The following MAGI3 variants were observed in gnomAD, a reference collection of about 807,000 sequenced individuals.
The protein encoded by MAGI3 is membrane associated guanylate kinase, WW and PDZ domain containing 3.
In MAGI3, 43 loss-of-function variants were observed where a neutral mutation model predicts 121.8. The ratio of observed to expected loss-of-function variants is 0.35; its 90% CI spans 0.28 to 0.46. The LOEUF (loss-of-function observed/expected upper bound fraction) is 0.46. Ranked by LOEUF, MAGI3 falls within the 20% of genes least tolerant of loss-of-function variation. MAGI3 has a pLI of 1.00. For synonymous variants in MAGI3, 553 were observed against 639.3 expected, an observed-to-expected ratio of 0.86 and a Z score of 2.04; for missense variants, 1,547 against 1,797.3, an observed-to-expected ratio of 0.86 and a Z score of 2.52.
chr1:113,398,991 G>A (rs1651260950), intron 1 of MAGI3, among the ~76,000 whole-genome samples: 1 of 152,114 alleles, frequency 6.6e-6, no homozygotes, highest in Admixed American at 6.6e-5. Flanking sequence ...ATTAATGTAG[G>A]CTAAGAAGAA....
chr1:113,611,347 C>T (rs1650121866), intron 6 of MAGI3, among the ~76,000 whole-genome samples: 1 of 152,106 alleles, frequency 6.6e-6, no homozygotes, highest in African/African-American at 2.4e-5. Flanking sequence ...ATTGGCCTCC[C>T]AAAGTGCTGG....
intron 1 of MAGI3, among the ~76,000 whole-genome samples, chr1:113,410,824 A>C (rs1182711326): frequency 2.0e-5 from 3 of 152,116 alleles, no homozygotes; most frequent in African/African-American, 7.2e-5. Context: ...CCCAGTGAGG[A>C]TGCCTAGTAG....
intron 1 of MAGI3, among the ~76,000 whole-genome samples, chr1:113,545,978 T>C (rs1444120123): frequency 1.3e-5 from 2 of 152,192 alleles, no homozygotes; most frequent in South Asian, 2.1e-4. Context: ...AATACAGATA[T>C]ATTCAGCAGT....
At chr1:113,551,386 T>A (rs995986480) in intron 2 of MAGI3, among the ~76,000 whole-genome samples, 5 of 152,200 alleles carry the variant, frequency 3.3e-5, no homozygotes, top group Admixed American at 6.5e-5. Flanking sequence ...GGGAAAAAAA[T>A]TTAAAAATAA....
chr1:113,600,351 G>A (rs1649289833), intron 6 of MAGI3, among the ~76,000 whole-genome samples: 2 of 151,960 alleles, frequency 1.3e-5, no homozygotes, highest in South Asian at 4.2e-4. Context: ...ATCTCCTTAA[G>A]CTGATAAGCA....
intron 6 of MAGI3, among the ~76,000 whole-genome samples, chr1:113,606,635 G>T (rs1341649747): frequency 6.6e-6 from 1 of 151,920 alleles, no homozygotes; most frequent in African/African-American, 2.4e-5. Flanking sequence ...TTGAGTCTTG[G>T]TTTTGATTTC....
intron 6 of MAGI3, among the ~76,000 whole-genome samples, chr1:113,613,509 T>G (rs936095935): frequency 2.0e-5 from 3 of 152,194 alleles, no homozygotes; most frequent in African/African-American, 7.2e-5. Context: ...AATTTTTACT[T>G]ACAAAGTTGG....
chr1:113,677,723 G>T (rs528609376), intron 19 of MAGI3, among the ~76,000 whole-genome samples: 12 of 151,878 alleles, frequency 7.9e-5, no homozygotes, highest in Non-Finnish European at 1.5e-4. Flanking sequence ...CTTTTCTTTT[G>T]GTTCTCCTAT....
intron 1 of MAGI3, among the ~76,000 whole-genome samples, chr1:113,431,120 G>A (rs1653278268): frequency 6.6e-6 from 1 of 152,096 alleles, no homozygotes; most frequent in Admixed American, 6.6e-5. Flanking sequence ...AGGGGCTGGG[G>A]CCTGGGCGAT....
intron 1 of MAGI3, among the ~76,000 whole-genome samples, chr1:113,524,918 C>T (rs1658380244): frequency 6.6e-6 from 1 of 152,072 alleles, no homozygotes; most frequent in African/African-American, 2.4e-5. Context: ...GGAGAGACCC[C>T]AGGGGAGGAA....
chr1:113,397,760 C>T (rs1651193076), intron 1 of MAGI3, among the ~76,000 whole-genome samples: 1 of 152,026 alleles, frequency 6.6e-6, no homozygotes, highest in Admixed American at 6.6e-5. Context: ...AATGCTATTT[C>T]TGCCTTCAGC....
intron 1 of MAGI3, among the ~76,000 whole-genome samples, chr1:113,409,991 C>T (rs1651891854): frequency 6.6e-6 from 1 of 152,072 alleles, no homozygotes; most frequent in Admixed American, 6.6e-5. Context: ...GTAAATGATT[C>T]TGGAAAGTAT....
chr1:113,427,791 G>T (rs184274352), intron 1 of MAGI3, among the ~76,000 whole-genome samples: 1 of 151,914 alleles, frequency 6.6e-6, no homozygotes, highest in Non-Finnish European at 1.5e-5. Flanking sequence ...TTAATTTGAG[G>T]GTAACTTTTT....
intron 1 of MAGI3, among the ~76,000 whole-genome samples, chr1:113,395,157 G>C (rs1022370898): frequency 9.2e-5 from 11 of 119,398 alleles, no homozygotes; most frequent in African/African-American, 3.5e-4. Context: ...TGTTTAGGTG[G>C]TTGTATTATA....
chr1:113,588,366 G>A (rs750990343), intron 4 of MAGI3, among the ~76,000 whole-genome samples: 1 of 152,172 alleles, frequency 6.6e-6, no homozygotes, highest in African/African-American at 2.4e-5. Context: ...TGTGGTTGGA[G>A]CAGAGTGATG....
intron 1 of MAGI3, among the ~76,000 whole-genome samples, chr1:113,514,675 A>T (rs1163211335): frequency 6.6e-6 from 1 of 152,194 alleles, no homozygotes; most frequent in Non-Finnish European, 1.5e-5. Flanking sequence ...ACCTAATGCT[A>T]AATGATGAGT....
At chr1:113,660,813 A>T (rs1396367602) in intron 16 of MAGI3, among the ~76,000 whole-genome samples, 1 of 133,334 alleles carries the variant, frequency 7.5e-6, no homozygotes, top group Non-Finnish European at 1.6e-5. Context: ...TGTGTTGCGT[A>T]GTCTGGTCTC....
chr1:113,421,054 A>G (rs144298953), intron 1 of MAGI3, among the ~76,000 whole-genome samples: 62 of 151,580 alleles, frequency 4.1e-4, no homozygotes, highest in African/African-American at 1.5e-3. Flanking sequence ...CTTGAAAGGT[A>G]TTTTTGCTGA....
intron 9 of MAGI3, among the ~76,000 whole-genome samples, chr1:113,632,759 T>C (rs1651712857): frequency 6.6e-6 from 1 of 152,142 alleles, no homozygotes; most frequent in South Asian, 2.1e-4. Context: ...AAATTCAAAA[T>C]TGCTGGAAAA....
Sources: gnomAD v4.1 joint callset for allele counts (sites outside exome capture counted in the v4.1 genomes callset) on GRCh38, gnomAD v4.1.1 for gene constraint, MANE v1.5 for transcripts, NCBI Gene and HGNC (gene_info 2026-07-23, HGNC 2026-07-21) for gene names.